NEBL: variants seen among roughly 807,000 people sequenced by gnomAD.
NEBL encodes the protein LIM and SH3 protein 2.
NEBL carries 122 observed loss-of-function variants against 140.2 expected under a neutral mutation model. The observed-to-expected ratio is 0.87, with a 90% CI of 0.75 to 1.01. The LOEUF is 1.01. Ranked by LOEUF, NEBL falls within the 50% of genes least tolerant of loss-of-function variation. NEBL has a pLI of 0.00. For missense variants in NEBL, 1,365 were observed against 1,231.3 expected (o/e 1.11, Z -1.62); for synonymous variants, 436 against 398.9 (o/e 1.09, Z -1.11).
chr10:21,202,461 C>CTTTTTTTTTTTTTTTTTT (rs35623208), intron 3 of NEBL, among the ~76,000 whole-genome samples: 25 of 117,290 alleles, frequency 2.1e-4, no homozygotes, highest in African/African-American at 6.5e-4. Flanking sequence ...TTTTCTTTTT[C>CTTTTTTTTTTTTTTTTTT]TTTTTTTTTT....
chr10:20,965,893 CTG>C (rs966520574), intron 3 of NEBL, among the ~76,000 whole-genome samples: 24 of 152,162 alleles, frequency 1.6e-4, no homozygotes, highest in Admixed American at 2.6e-4. Flanking sequence ...ATGTTACACA[CTG>C]TTGTCAGAAC....
intron 1 of NEBL, among the ~76,000 whole-genome samples, chr10:21,276,605 C>A (rs1346886338): frequency 6.6e-6 from 1 of 152,132 alleles, no homozygotes. Context: ...GTGGATGGAT[C>A]TCTTGAGTTC....
At chr10:21,192,348 C>T (rs111311263) in intron 3 of NEBL, among the ~76,000 whole-genome samples, 2 of 151,458 alleles carry the variant, frequency 1.3e-5, no homozygotes, top group African/African-American at 2.4e-5. Context: ...CCCACCACCA[C>T]GCCTGGCTAA....
At chr10:20,816,587 C>T (rs574417159) in intron 21 of NEBL, among the ~76,000 whole-genome samples, 26 of 152,294 alleles carry the variant, frequency 1.7e-4, no homozygotes, top group African/African-American at 5.8e-4. Context: ...AATCACCTGC[C>T]TTTGCATTAT....
chr10:21,010,858 C>T (rs1194747821), intron 3 of NEBL, among the ~76,000 whole-genome samples: 1 of 152,162 alleles, frequency 6.6e-6, no homozygotes, highest in Non-Finnish European at 1.5e-5. Flanking sequence ...TCGTCCTGTG[C>T]CATTCTTTAA....
chr10:20,881,346 A>T (rs918824757), intron 4 of NEBL, among the ~76,000 whole-genome samples: 2 of 152,244 alleles, frequency 1.3e-5, no homozygotes, highest in Admixed American at 6.5e-5. Context: ...TATAAGCCTC[A>T]TTAAGTGCAC....
intron 2 of NEBL, among the ~76,000 whole-genome samples, chr10:21,116,201 A>G (rs1838277866): frequency 6.6e-6 from 1 of 152,100 alleles, no homozygotes; most frequent in Non-Finnish European, 1.5e-5. Flanking sequence ...ACAAAATACC[A>G]TAGACTGGGT....
At chr10:21,186,008 G>A (rs951780491) in intron 3 of NEBL, among the ~76,000 whole-genome samples, 1 of 151,914 alleles carries the variant, frequency 6.6e-6, no homozygotes, top group Non-Finnish European at 1.5e-5. Flanking sequence ...TGTGCTATTG[G>A]GGCTTCCATT....
At chr10:21,244,340 A>AC (rs1842487805) in intron 3 of NEBL, among the ~76,000 whole-genome samples, 1 of 143,270 alleles carries the variant, frequency 7.0e-6, no homozygotes, top group African/African-American at 2.5e-5. Context: ...TAAATTTTGT[A>AC]TTTTTTTTTT....
intron 20 of NEBL, chr10:20,819,091 G>T: frequency 2.0e-6 from 2 of 995,376 alleles, no homozygotes; most frequent in Non-Finnish European, 2.5e-6. Flanking sequence ...TAAGTTCAGC[G>T]GTACATGTGC....
At chr10:20,829,444 G>C in intron 16 of NEBL, among the ~76,000 whole-genome samples, 1 of 147,796 alleles carries the variant, frequency 6.8e-6, no homozygotes, top group Non-Finnish European at 1.5e-5. Context: ...TGTGGGGTAG[G>C]GGGAGGGGGG....
At chr10:21,264,344 A>C (rs1842774454) in intron 1 of NEBL, among the ~76,000 whole-genome samples, 1 of 152,182 alleles carries the variant, frequency 6.6e-6, no homozygotes, top group African/African-American at 2.4e-5. Context: ...TCCAGGCAGC[A>C]CATGGCCCTC....
At chr10:21,163,763 T>C (rs1161347488) in intron 2 of NEBL, among the ~76,000 whole-genome samples, 1 of 152,242 alleles carries the variant, frequency 6.6e-6, no homozygotes, top group African/African-American at 2.4e-5. Context: ...ATTGATCAGA[T>C]GCTATTCAAG....
At chr10:21,093,440 C>A (rs1178776197) in intron 2 of NEBL, among the ~76,000 whole-genome samples, 1 of 152,176 alleles carries the variant, frequency 6.6e-6, no homozygotes, top group Non-Finnish European at 1.5e-5. Flanking sequence ...GTCAAGGGAA[C>A]CAGACGCCCA....
At chr10:20,884,043 T>C (rs901815294) in intron 4 of NEBL, among the ~76,000 whole-genome samples, 7 of 152,200 alleles carry the variant, frequency 4.6e-5, no homozygotes, top group African/African-American at 1.7e-4. Flanking sequence ...GTTTTCTTCA[T>C]ACTTTGAGAA....
rs554949202 is a variant in NEBL, at chr10:21,142,278, G to A, written c.164+30105C>T. On this transcript the variant is annotated intron_variant, in intron 2 of 6. Transcript: ENST00000417816. ...AGAAATATTTATGACTTCACCCTGG[G>A]TTGCACCAGCCCTGTCTACTAGCAC... 2.6e-5 allele frequency among the ~76,000 whole-genome samples: 4 copies of A among 152,132 alleles called. No homozygotes were observed. The East Asian group carries it at 7.7e-4, about 29-fold the overall frequency.
intron 2 of NEBL, among the ~76,000 whole-genome samples, chr10:21,048,183 C>T (rs1234186746): frequency 6.6e-6 from 1 of 152,186 alleles, no homozygotes; most frequent in Non-Finnish European, 1.5e-5. Context: ...GTCTTGTTCT[C>T]CCCTCGCACG....
At chr10:20,807,759 C>T (rs1414137487) in intron 26 of NEBL, among the ~76,000 whole-genome samples, 1 of 152,144 alleles carries the variant, frequency 6.6e-6, no homozygotes, top group Non-Finnish European at 1.5e-5. Flanking sequence ...TCCTTTCCCC[C>T]TCCTTGCTGT....
chr10:21,033,946 G>T (rs1365425403), intron 2 of NEBL, among the ~76,000 whole-genome samples: 1 of 151,560 alleles, frequency 6.6e-6, no homozygotes, highest in Non-Finnish European at 1.5e-5. Context: ...CGGGTGGATT[G>T]CTTAAGTCAG....
Sources: gnomAD v4.1 joint callset for allele counts (sites outside exome capture counted in the v4.1 genomes callset) on GRCh38, gnomAD v4.1.1 for gene constraint, MANE v1.5 for transcripts, NCBI Gene and HGNC (gene_info 2026-07-23, HGNC 2026-07-21) for gene names.